Variants in GCH1 observed in about 807,000 individuals in gnomAD.
GCH1 encodes GTP cyclohydrolase I.
In GCH1, 5 loss-of-function variants were observed where a neutral mutation model predicts 25.9. That is an observed-to-expected ratio of 0.19 (90% CI 0.10 to 0.41). GCH1 has a LOEUF of 0.41. GCH1 is among the 10% of genes least tolerant of loss of function. The pLI is 1.00. For synonymous variants in GCH1, 159 were observed against 129.6 expected (o/e 1.23, Z -1.54); for missense variants, 261 against 336.5 (o/e 0.78, Z 1.75).
At chr14:54,858,285 CTTT>C (rs1566665218) in intron 3 of GCH1, among the ~76,000 whole-genome samples, 2 of 152,018 alleles carry the variant, frequency 1.3e-5, no homozygotes, top group African/African-American at 4.8e-5. Flanking sequence ...TATTCCTCTT[CTTT>C]TATTTTTATT....
chr14:54,844,565 C>G (rs1296030053), intron 5 of GCH1, among the ~76,000 whole-genome samples: 2 of 152,332 alleles, frequency 1.3e-5, no homozygotes, highest in Non-Finnish European at 2.9e-5. Flanking sequence ...CTATGCTAGC[C>G]TAGGTGTTCA....
chr14:54,855,185 G>A (rs2039790061), intron 3 of GCH1, among the ~76,000 whole-genome samples: 1 of 152,104 alleles, frequency 6.6e-6, no homozygotes, highest in African/African-American at 2.4e-5. Context: ...GATGTCCAAA[G>A]AACTTCAAGG....
intron 1 of GCH1, among the ~76,000 whole-genome samples, chr14:54,899,139 A>G (rs76618194): frequency 6.6e-6 from 1 of 152,138 alleles, no homozygotes; most frequent in Non-Finnish European, 1.5e-5. Context: ...AATGTAATGC[A>G]TGATTATATT....
intron 1 of GCH1, among the ~76,000 whole-genome samples, chr14:54,898,782 G>A (rs111385584): frequency 1.3e-5 from 2 of 152,150 alleles, no homozygotes; most frequent in African/African-American, 4.8e-5. Context: ...ACCACATCTG[G>A]CTAATTTTTA....
chr14:54,889,291 C>T (rs2040395157), intron 1 of GCH1, among the ~76,000 whole-genome samples: 2 of 152,200 alleles, frequency 1.3e-5, no homozygotes, highest in South Asian at 4.1e-4. Flanking sequence ...GATCTCCAGG[C>T]ACGCATAGCC....
At chr14:54,866,333 G>A (rs949286925) in intron 1 of GCH1, among the ~76,000 whole-genome samples, 1 of 152,008 alleles carries the variant, frequency 6.6e-6, no homozygotes, top group Middle Eastern at 3.4e-3. Context: ...TTGATAATAG[G>A]CAGGTACCCA....
intron 1 of GCH1, among the ~76,000 whole-genome samples, chr14:54,880,833 T>A (rs2040259799): frequency 1.0e-5 from 1 of 98,976 alleles, no homozygotes; most frequent in Non-Finnish European, 1.8e-5. Context: ...ATATACTCCA[T>A]ATATATATAT....
chr14:54,853,465 T>C (rs1293595284), intron 3 of GCH1, among the ~76,000 whole-genome samples: 2 of 152,224 alleles, frequency 1.3e-5, no homozygotes, highest in African/African-American at 2.4e-5. Flanking sequence ...ACTGTGGCTT[T>C]AGTGCTAATT....
intron 3 of GCH1, among the ~76,000 whole-genome samples, chr14:54,855,530 G>A (rs969937303): frequency 9.2e-4 from 72 of 78,406 alleles, no homozygotes; most frequent in African/African-American, 2.1e-3. Flanking sequence ...AAAAAAAAAA[G>A]CTGGCCGGGT....
chr14:54,852,408 A>G (rs143734762), intron 3 of GCH1, among the ~76,000 whole-genome samples: 56 of 152,326 alleles, frequency 3.7e-4, no homozygotes, highest in African/African-American at 1.3e-3. Context: ...AGTTCAGGGT[A>G]CAAGGCAGGA....
In GCH1 at chr14:54,844,000, C is replaced by A; in HGVS notation, c.*17G>T. 1 of 1,614,198 alleles carries A rather than the reference C, an allele frequency of 6.2e-7. No individual in the cohort carries two copies. The highest frequency in any genetic ancestry group is 8.5e-7 in the Non-Finnish European group (1 of 1,180,024). On this transcript the variant is annotated 3_prime_UTR_variant, in exon 6 of 6. Coordinates refer to ENST00000491895, the MANE Select transcript of GCH1 (RefSeq NM_000161.3). ...GGCAGTACGATCGGCAACCAACGCACACACACTGAATGAAGCTCAGCTCCT... is the reference window on the plus strand; with the variant it reads ...GGCAGTACGATCGGCAACCAACGCAAACACACTGAATGAAGCTCAGCTCCT...
At position 54,845,835 on chromosome 14, in the gene GCH1, T is replaced by C; in HGVS notation, c.559A>G (p.Lys187Glu). ...TCCGTGATTGCTACAGCAATTTGTT[T>C]TGTAAGGCGCTCCTGAACTGTGGAT... ...RRLQVQERLTKQIAVAITEAL... is the reference protein window; with the variant it reads ...RRLQVQERLTEQIAVAITEAL... Residue 187 changes from lysine to glutamate, a missense_variant, in exon 5 of 6, where the codon AAA (lysine) becomes GAA (glutamate). Transcript: ENST00000491895. 6.2e-7 allele frequency: 1 copy of C among 1,605,576 alleles called. No individual in the cohort carries two copies. The highest frequency in any genetic ancestry group is 8.5e-7 in the Non-Finnish European group (1 of 1,172,150).
chr14:54,866,852 C>A (rs533165020), intron 1 of GCH1, among the ~76,000 whole-genome samples: 2 of 152,160 alleles, frequency 1.3e-5, no homozygotes, highest in African/African-American at 4.8e-5. Flanking sequence ...CAGGGTTAGA[C>A]ACATACAGAC....
At chr14:54,855,505 CAAAAAAAAAAAAAA>C (rs764999718) in intron 3 of GCH1, among the ~76,000 whole-genome samples, 3 of 36,432 alleles carry the variant, frequency 8.2e-5, no homozygotes, top group Non-Finnish European at 1.3e-4. Flanking sequence ...GACCCTGTCT[CAAAAAAAAAAAAAA>C]AAAAAAAAAA....
intron 1 of GCH1, among the ~76,000 whole-genome samples, chr14:54,869,710 C>A (rs902080985): frequency 1.3e-5 from 2 of 151,518 alleles, no homozygotes; most frequent in Non-Finnish European, 2.9e-5. Flanking sequence ...GAACTCCCGA[C>A]CTCAGGTGAC....
At chr14:54,858,603 A>G (rs979701956) in intron 3 of GCH1, among the ~76,000 whole-genome samples, 3 of 151,974 alleles carry the variant, frequency 2.0e-5, no homozygotes, top group African/African-American at 2.4e-5. Context: ...ATTTATTTCA[A>G]TTATGATATG....
At chr14:54,902,274 A>C in intron 1 of GCH1, 47 bp downstream of exon 1, 1 of 1,594,654 alleles carries the variant, frequency 6.3e-7, no homozygotes, top group Non-Finnish European at 8.6e-7. Context: ...TCCTGCAAGC[A>C]CCGCCCCCGC....
At chr14:54,860,760 C>T (rs1261097633) in intron 2 of GCH1, among the ~76,000 whole-genome samples, 5 of 152,054 alleles carry the variant, frequency 3.3e-5, no homozygotes, top group South Asian at 2.1e-4. Flanking sequence ...AGGATGGTTT[C>T]GATCTCCTGA....
chr14:54,868,852 A>G (rs10138301), intron 1 of GCH1, among the ~76,000 whole-genome samples: 146,109 of 152,154 alleles, frequency 0.96, 70,307 homozygotes, highest in Non-Finnish European at 0.99. Flanking sequence ...CACCCGCCTC[A>G]GCCTCCCAAA....
Sources: gnomAD v4.1 joint callset for allele counts (sites outside exome capture counted in the v4.1 genomes callset) on GRCh38, gnomAD v4.1.1 for gene constraint, MANE v1.5 for transcripts, NCBI Gene and HGNC (gene_info 2026-07-23, HGNC 2026-07-21) for gene names.